The following BCR variants were observed in gnomAD, a reference collection of about 807,000 sequenced individuals.
The protein encoded by BCR is BCR activator of RhoGEF and GTPase, also known as breakpoint cluster region protein.
A neutral mutation model predicts 138.6 loss-of-function variants in BCR; 58 were observed. The ratio of observed to expected loss-of-function variants is 0.42; its 90% CI spans 0.34 to 0.52. The LOEUF is 0.52. Ranked by LOEUF, BCR falls within the 20% of genes least tolerant of loss-of-function variation. The pLI is 0.06. For missense variants in BCR, 1,599 were observed against 1,727.2 expected (o/e 0.93, Z 1.32); for synonymous variants, 786 against 730.1 (o/e 1.08, Z -1.23).
At chr22:23,276,182 C>G (rs1216193103) in intron 8 of BCR, among the ~76,000 whole-genome samples, 2 of 152,046 alleles carry the variant, frequency 1.3e-5, no homozygotes, top group Non-Finnish European at 2.9e-5. Flanking sequence ...GGCGGATCAC[C>G]AGGTCAGAAG....
chr22:23,250,039 G>C (rs2073206258), intron 1 of BCR, among the ~76,000 whole-genome samples: 1 of 152,228 alleles, frequency 6.6e-6, no homozygotes, highest in African/African-American at 2.4e-5. Flanking sequence ...AAGTCTCACT[G>C]GACACAGGCA....
chr22:23,276,321 C>A (rs1461646836), intron 8 of BCR, among the ~76,000 whole-genome samples: 1 of 151,744 alleles, frequency 6.6e-6, no homozygotes, highest in African/African-American at 2.4e-5. Flanking sequence ...ATCTCGTGAA[C>A]CTGGGAGGCG....
intron 1 of BCR, chr22:23,198,331 G>A: frequency 2.3e-6 from 1 of 441,398 alleles, no homozygotes; most frequent in Non-Finnish European, 4.4e-6. Flanking sequence ...CCGAGGAGGG[G>A]ACTGGTGGGC....
chr22:23,249,204 T>C (rs2146263075), intron 1 of BCR, among the ~76,000 whole-genome samples: 1 of 151,846 alleles, frequency 6.6e-6, no homozygotes, highest in Non-Finnish European at 1.5e-5. Flanking sequence ...CCAAGGTGGG[T>C]GGATCACAAG....
At chr22:23,249,275 A>T (rs1172828703) in intron 1 of BCR, among the ~76,000 whole-genome samples, 3 of 151,568 alleles carry the variant, frequency 2.0e-5, no homozygotes, top group African/African-American at 7.3e-5. Flanking sequence ...TAAAAATACA[A>T]AAAAAAATTA....
At chr22:23,302,267 C>T (rs1052405919) in intron 16 of BCR, 1 of 152,638 alleles carries the variant, frequency 6.6e-6, no homozygotes, top group Non-Finnish European at 1.5e-5. Flanking sequence ...AGCCCCCAGC[C>T]CAGAAGATCC....
chr22:23,313,104 T>C (rs2074026492), intron 20 of BCR, 83 bp downstream of exon 20: 1 of 1,495,978 alleles, frequency 6.7e-7, no homozygotes, highest in African/African-American at 1.4e-5. Context: ...AAGTGAGGTG[T>C]GGGAACCCAA....
chr22:23,209,607 G>A (rs1479525113), intron 1 of BCR, among the ~76,000 whole-genome samples: 3 of 151,514 alleles, frequency 2.0e-5, no homozygotes, highest in Admixed American at 1.3e-4. Context: ...GCAGTGGCGC[G>A]ATCTCGGCTC....
At chr22:23,306,576 G>A (rs548357477) in intron 16 of BCR, among the ~76,000 whole-genome samples, 14 of 152,350 alleles carry the variant, frequency 9.2e-5, no homozygotes, top group African/African-American at 3.1e-4. Flanking sequence ...ATGGAGACAC[G>A]TTGGAAATTC....
intron 1 of BCR, among the ~76,000 whole-genome samples, chr22:23,236,285 C>G: frequency 6.6e-6 from 1 of 152,222 alleles, no homozygotes; most frequent in East Asian, 1.9e-4. Context: ...ACCTCCTCCC[C>G]ACCTGCAGCC....
At chr22:23,293,071 T>C (rs138910467) in intron 15 of BCR, among the ~76,000 whole-genome samples, 1 of 151,814 alleles carries the variant, frequency 6.6e-6, no homozygotes, top group Non-Finnish European at 1.5e-5. Context: ...TCTCGGGGTG[T>C]TGGGTTTGTA....
At chr22:23,210,588 G>A (rs913975623) in intron 1 of BCR, among the ~76,000 whole-genome samples, 3 of 152,118 alleles carry the variant, frequency 2.0e-5, no homozygotes, top group Non-Finnish European at 4.4e-5. Flanking sequence ...CCTTCATCAA[G>A]ATACACAGCA....
chr22:23,240,390 G>A (rs1020553587), intron 1 of BCR, among the ~76,000 whole-genome samples: 1 of 150,716 alleles, frequency 6.6e-6, no homozygotes. Context: ...GGTGGCTCAC[G>A]CCTGTAATCC....
chr22:23,270,805 A>G (rs1430137139), intron 5 of BCR, among the ~76,000 whole-genome samples: 1 of 152,220 alleles, frequency 6.6e-6, no homozygotes, highest in East Asian at 1.9e-4. Flanking sequence ...TTTATTCTGC[A>G]CTTCTCCAGT....
At chr22:23,222,854 A>C (rs899056770) in intron 1 of BCR, among the ~76,000 whole-genome samples, 1 of 152,214 alleles carries the variant, frequency 6.6e-6, no homozygotes, top group Admixed American at 6.5e-5. Context: ...TAGTCTGTTC[A>C]GGCTGCCATA....
At chr22:23,313,907 C>T in intron 20 of BCR, 61 bp from the exon 21 acceptor site, 7 of 1,365,428 alleles carry the variant, frequency 5.1e-6, no homozygotes, top group Middle Eastern at 2.5e-4. Flanking sequence ...TCCATGTGAA[C>T]ACCTCGGGAG....
chr22:23,206,320 A>G (rs2072612576), intron 1 of BCR, among the ~76,000 whole-genome samples: 2 of 152,210 alleles, frequency 1.3e-5, no homozygotes, highest in African/African-American at 4.8e-5. Flanking sequence ...CACGCCTGTA[A>G]TCCCAGCACT....
At chr22:23,277,476 A>T (rs1435835188) in intron 8 of BCR, among the ~76,000 whole-genome samples, 1 of 152,174 alleles carries the variant, frequency 6.6e-6, no homozygotes, top group African/African-American at 2.4e-5. Context: ...AAAGAGGAAG[A>T]GATGTCCCTT....
chr22:23,262,806 C>G (rs1192402765), intron 4 of BCR: 1 of 993,528 alleles, frequency 1.0e-6, no homozygotes, highest in Non-Finnish European at 1.2e-6. Context: ...AAGGGAAAAG[C>G]GAGCGAGAGG....
Sources: allele counts gnomAD v4.1 joint callset (sites outside exome capture counted in the v4.1 genomes callset), GRCh38; gene constraint gnomAD v4.1.1; transcripts MANE v1.5; gene names NCBI Gene and HGNC (gene_info 2026-07-23, HGNC 2026-07-21).